The following KIAA1217 variants were observed in gnomAD, a reference collection of about 807,000 sequenced individuals.
KIAA1217 encodes the protein KIAA1217.
KIAA1217 carries 88 observed loss-of-function variants against 163.9 expected under a neutral mutation model. That is an observed-to-expected ratio of 0.54 (90% CI 0.45 to 0.64). The LOEUF (loss-of-function observed/expected upper bound fraction) is 0.64, where lower values mean the gene tolerates loss of function less well. Among genes scored for constraint, KIAA1217 ranks in the 30% least tolerant of loss-of-function variants. The pLI is 0.00. For synonymous variants in KIAA1217, 903 were observed against 923.1 expected (o/e 0.98, Z 0.39); for missense variants, 2,372 against 2,475.0 (o/e 0.96, Z 0.88).
At chr10:24,521,619 C>A (rs1440292738) in intron 11 of KIAA1217, among the ~76,000 whole-genome samples, 163 bp from the exon 12 acceptor site, 2 of 152,216 alleles carry the variant, frequency 1.3e-5, no homozygotes, top group African/African-American at 4.8e-5. Context: ...AGGTGAGTTT[C>A]TCCAATGCTC....
intron 1 of KIAA1217, among the ~76,000 whole-genome samples, chr10:23,799,887 T>A (rs761078513): frequency 1.3e-5 from 2 of 152,184 alleles, no homozygotes; most frequent in Admixed American, 6.5e-5. Flanking sequence ...AGGGGAGGGT[T>A]CTATTGGACT....
chr10:23,795,994 T>C (rs184056181), intron 1 of KIAA1217, among the ~76,000 whole-genome samples: 13 of 152,340 alleles, frequency 8.5e-5, no homozygotes, highest in Non-Finnish European at 4.4e-5. Context: ...GGAATTTCCC[T>C]TGAAAGAACT....
chr10:24,205,234 A>G (rs1205365019), upstream of KIAA1217, among the ~76,000 whole-genome samples: 1 of 143,628 alleles, frequency 7.0e-6, no homozygotes, highest in Non-Finnish European at 1.5e-5. Flanking sequence ...AGGTGGGCGA[A>G]TTACCTGCGG....
intron 2 of KIAA1217, among the ~76,000 whole-genome samples, chr10:24,201,767 T>C (rs1019981434): frequency 6.6e-6 from 1 of 151,766 alleles, no homozygotes; most frequent in African/African-American, 2.4e-5. Context: ...GTAAAAATAC[T>C]TAACTTCTGA....
chr10:24,375,281 C>T (rs184756751), intron 2 of KIAA1217, among the ~76,000 whole-genome samples: 2 of 152,224 alleles, frequency 1.3e-5, no homozygotes, highest in African/African-American at 4.8e-5. Flanking sequence ...ACCCTTAGTC[C>T]TCAACCCAGC....
intron 1 of KIAA1217, among the ~76,000 whole-genome samples, chr10:23,958,629 C>T (rs555561168): frequency 1.3e-5 from 2 of 151,930 alleles, no homozygotes; most frequent in Non-Finnish European, 2.9e-5. Flanking sequence ...TTTAAAACAA[C>T]ATTTTCTAAA....
At position 24,528,136 on chromosome 10, in the gene KIAA1217, C is replaced by G; in HGVS notation, c.3082+17C>G. On this transcript the variant is annotated intron_variant, in intron 14 of 20. Transcript: ENST00000376454. ...AACTTTCAGGTAAGTTCCGGTCCCACAGCAGGAATATATGGAGGTACATGG... is the reference window on the plus strand; with the variant it reads ...AACTTTCAGGTAAGTTCCGGTCCCAGAGCAGGAATATATGGAGGTACATGG... 6.2e-7 allele frequency: 1 copy of G among 1,612,320 alleles called. No homozygotes were observed. Among genetic ancestry groups the G allele is most frequent in the South Asian group, 1.1e-5 (1 of 90,946 alleles).
At chr10:24,488,827 T>G (rs915832710) in intron 6 of KIAA1217, among the ~76,000 whole-genome samples, 3 of 152,206 alleles carry the variant, frequency 2.0e-5, no homozygotes, top group Non-Finnish European at 4.4e-5. Flanking sequence ...GAAAAATGCC[T>G]TCGGCACTGC....
At chr10:23,703,113 A>G (rs1434395562) in intron 1 of KIAA1217, among the ~76,000 whole-genome samples, 1 of 152,106 alleles carries the variant, frequency 6.6e-6, no homozygotes, top group Non-Finnish European at 1.5e-5. Context: ...GGTTAATGCC[A>G]GGAACTTGTT....
chr10:24,340,969 G>A (rs940611025), intron 2 of KIAA1217, among the ~76,000 whole-genome samples: 1 of 152,110 alleles, frequency 6.6e-6, no homozygotes, highest in Non-Finnish European at 1.5e-5. Context: ...CACATGTTAT[G>A]CGCCGATAGT....
chr10:24,411,214 G>GT lies in KIAA1217; in HGVS notation c.554-21772dup, dbSNP rs566378374. ...AATATTTTGCTATTCAGTTGGACAG[G>GT]TTTTTTTTTAATTTACTGCTGTGTG... is the stretch of plus-strand genomic sequence containing the variant. On this transcript the variant is annotated intron_variant, in intron 3 of 20. Transcript: ENST00000376454. Among the ~76,000 whole-genome samples, 169 of 151,586 alleles carry GT rather than the reference G, an allele frequency of 1.1e-3. 1 individual carries two copies. The highest frequency in any genetic ancestry group is 3.6e-3 in the African/African-American group (147 of 41,340).
chr10:24,344,555 C>T (rs1002870920), intron 2 of KIAA1217, among the ~76,000 whole-genome samples: 20 of 152,190 alleles, frequency 1.3e-4, no homozygotes, highest in Admixed American at 6.5e-4. Flanking sequence ...AAACCTAAAG[C>T]CTTCCATGAG....
At position 24,380,960 on chromosome 10, in the gene KIAA1217, A is replaced by G; in HGVS notation, c.446A>G (p.Glu149Gly). The G allele has an allele frequency of 6.2e-7, 1 of 1,608,702 alleles. No individual in the cohort carries two copies. Among genetic ancestry groups the G allele is most frequent in the Non-Finnish European group, 8.5e-7 (1 of 1,177,176 alleles). Reference sequence around the variant, plus strand: ...TCAGAGACGTCCGCTGATTCTTTGGAAGCCATGTCTGAGGGGGATGCTCCA... The same window carrying G: ...TCAGAGACGTCCGCTGATTCTTTGGGAGCCATGTCTGAGGGGGATGCTCCA... ...HLSETSADSL[E>G]AMSEGDAPTP... The change falls in exon 3 of 21, where the codon GAA becomes GGA. Residue 149 changes from glutamate to glycine, a missense_variant. By Grantham distance (98) the Glu-to-Gly change is moderately conservative (BLOSUM62 -2). Transcript: ENST00000376454.
At chr10:23,901,245 T>A (rs917999307) in intron 1 of KIAA1217, among the ~76,000 whole-genome samples, 1 of 152,086 alleles carries the variant, frequency 6.6e-6, no homozygotes, top group Non-Finnish European at 1.5e-5. Flanking sequence ...GATCTCCCTG[T>A]TAGTAAAGAA....
chr10:23,944,666 G>T (rs1843932008), intron 1 of KIAA1217, among the ~76,000 whole-genome samples: 1 of 152,120 alleles, frequency 6.6e-6, no homozygotes, highest in African/African-American at 2.4e-5. Flanking sequence ...AACTTAAAAA[G>T]ATTAACAACA....
chr10:24,064,731 T>C (rs2060870144), intron 2 of KIAA1217, among the ~76,000 whole-genome samples: 1 of 152,216 alleles, frequency 6.6e-6, no homozygotes, highest in Admixed American at 6.5e-5. Context: ...AGCTCCTCCT[T>C]GTACCTCTGG....
At chr10:24,466,440 C>T (rs2062952838) in intron 5 of KIAA1217, 5 of 748,482 alleles carry the variant, frequency 6.7e-6, no homozygotes, top group Non-Finnish European at 8.1e-6. Flanking sequence ...CGTGAGGTAG[C>T]CTGTGGTTGG....
At chr10:23,732,047 A>G (rs946483617) in intron 1 of KIAA1217, among the ~76,000 whole-genome samples, 1 of 152,030 alleles carries the variant, frequency 6.6e-6, no homozygotes, top group Non-Finnish European at 1.5e-5. Flanking sequence ...ATTAATCTAT[A>G]GTTTTCTTGT....
At chr10:23,843,560 G>A (rs1838886450) in intron 1 of KIAA1217, among the ~76,000 whole-genome samples, 1 of 152,028 alleles carries the variant, frequency 6.6e-6, no homozygotes, top group South Asian at 2.1e-4. Context: ...CTGTTCCATT[G>A]GTCCCTCCAG....
Sources: gnomAD v4.1 joint callset for allele counts (sites outside exome capture counted in the v4.1 genomes callset) on GRCh38, gnomAD v4.1.1 for gene constraint, MANE v1.5 for transcripts, NCBI Gene and HGNC (gene_info 2026-07-23, HGNC 2026-07-21) for gene names.